SMAP2: variants seen among roughly 807,000 people sequenced by gnomAD.
SMAP2 encodes the protein small ArfGAP2.
Under a neutral mutation model 56.4 loss-of-function variants are expected in SMAP2, and 25 were observed. The ratio of observed to expected loss-of-function variants is 0.44; its 90% CI spans 0.32 to 0.62. The LOEUF is 0.62. Ranked by LOEUF, SMAP2 falls within the 20% of genes least tolerant of loss-of-function variation. The pLI is 0.04. For missense variants in SMAP2, 388 were observed against 545.6 expected (o/e 0.71, Z 2.88); for synonymous variants, 157 against 181.7 (o/e 0.86, Z 1.09).
At chr1:40,405,767 G>A (rs1644879667) in intron 1 of SMAP2, among the ~76,000 whole-genome samples, 1 of 152,096 alleles carries the variant, frequency 6.6e-6, no homozygotes, top group Non-Finnish European at 1.5e-5. Context: ...TCTTTCCTGG[G>A]TAAAAATTAT....
intron 1 of SMAP2, chr1:40,393,540 ACTT>A: frequency 1.2e-5 from 16 of 1,323,040 alleles, no homozygotes; most frequent in East Asian, 2.7e-5. Flanking sequence ...AGTTCTTCTA[ACTT>A]TTTTTTTTTT....
intron 1 of SMAP2, chr1:40,403,874 G>A (rs1182676509): frequency 6.5e-6 from 1 of 154,908 alleles, no homozygotes; most frequent in Non-Finnish European, 1.4e-5. Flanking sequence ...TGAGGCGAGA[G>A]GATTCCTTGA....
At chr1:40,379,015 T>C (rs924345161) in intron 1 of SMAP2, among the ~76,000 whole-genome samples, 3 of 151,498 alleles carry the variant, frequency 2.0e-5, no homozygotes, top group Non-Finnish European at 4.4e-5. Context: ...GTTTCGCTCT[T>C]GTTGCCCAGG....
intron 1 of SMAP2, among the ~76,000 whole-genome samples, chr1:40,392,927 G>A (rs945697941): frequency 6.6e-6 from 1 of 151,770 alleles, no homozygotes; most frequent in East Asian, 1.9e-4. Context: ...GTGAAACCCC[G>A]CTGTCTCTAC....
In SMAP2 at chr1:40,401,021, A is replaced by ATTACAGCACTCT. The variant is rs1370480859; in HGVS notation, c.104-5715_104-5714insTTACAGCACTCT. On this transcript the variant is annotated intron_variant, in intron 1 of 9. Transcript: ENST00000372718. The stretch of plus-strand genomic sequence containing the variant: ...ACACCTGTAATCCCAGCACTCTGGG[A>ATTACAGCACTCT]GGCCGAGAAGGGCGGATCACTAGGT... Among the ~76,000 whole-genome samples, 3 of 152,306 alleles carry ATTACAGCACTCT rather than the reference A, an allele frequency of 2.0e-5. No individual in the cohort carries two copies. In the East Asian group the frequency reaches 5.8e-4, roughly 29 times the overall value.
At chr1:40,364,415 C>A (rs1644471309) in intron 2 of SMAP2, among the ~76,000 whole-genome samples, 2 of 151,946 alleles carry the variant, frequency 1.3e-5, no homozygotes, top group South Asian at 4.2e-4. Flanking sequence ...ATAGCCAGAT[C>A]CTATTTCTAC....
intron 1 of SMAP2, among the ~76,000 whole-genome samples, chr1:40,351,809 A>T (rs773949870): frequency 6.6e-6 from 1 of 151,298 alleles, no homozygotes; most frequent in South Asian, 2.1e-4. Context: ...GCCTATTTTA[A>T]TTTTTTTTAA....
At chr1:40,351,492 C>T (rs994325219) in intron 1 of SMAP2, among the ~76,000 whole-genome samples, 7 of 152,040 alleles carry the variant, frequency 4.6e-5, no homozygotes, top group African/African-American at 1.7e-4. Flanking sequence ...AGAAATGATT[C>T]TTTCATTTTT....
At chr1:40,388,184 C>T (rs879358390) in intron 1 of SMAP2, among the ~76,000 whole-genome samples, 3 of 152,232 alleles carry the variant, frequency 2.0e-5, no homozygotes, top group Non-Finnish European at 4.4e-5. Flanking sequence ...CGAGACCGCC[C>T]CCTGCTCCAC....
At chr1:40,420,116 T>C (rs1296655555) in intron 9 of SMAP2, among the ~76,000 whole-genome samples, 1 of 152,240 alleles carries the variant, frequency 6.6e-6, no homozygotes, top group East Asian at 1.9e-4. Flanking sequence ...AAGTTATGCC[T>C]AGCAGTCTCA....
chr1:40,374,540 C>T lies in SMAP2; in HGVS notation c.103+317C>T, dbSNP rs1006604345. 2 of 989,606 alleles carry T rather than the reference C, an allele frequency of 2.0e-6. No homozygotes were observed. Among genetic ancestry groups the T allele is most frequent in the African/African-American group, 3.2e-5 (2 of 61,590 alleles). 61.3% of individuals were successfully genotyped at this position (989,606 alleles called of 1,614,324 possible). ...CTGGGCCGGCTGTCCAGAGAGAGCTCCCAGCATGTCACTTGCAAAGCTGGG... is the reference window on the plus strand; with the variant it reads ...CTGGGCCGGCTGTCCAGAGAGAGCTTCCAGCATGTCACTTGCAAAGCTGGG... On this transcript the variant is annotated intron_variant, in intron 1 of 9. Coordinates refer to ENST00000372718, the MANE Select transcript of SMAP2 (RefSeq NM_022733.3). This position sits in a 1 kb window ranked among gnomAD's most constrained non-coding sequence, Gnocchi z 5.9.
chr1:40,395,137 G>A (rs1475927310), intron 1 of SMAP2, among the ~76,000 whole-genome samples: 2 of 152,184 alleles, frequency 1.3e-5, no homozygotes, highest in African/African-American at 4.8e-5. Flanking sequence ...CAGTGACATA[G>A]CTTTGAATGG....
chr1:40,361,265 A>G (rs950657133), intron 1 of SMAP2, among the ~76,000 whole-genome samples: 4 of 152,152 alleles, frequency 2.6e-5, no homozygotes, highest in African/African-American at 9.7e-5. Flanking sequence ...ACTGCCTTGA[A>G]GGGAAGAACC....
At position 40,374,182 on chromosome 1, in the gene SMAP2, TGGA is replaced by T; in HGVS notation, c.69_71del (p.Glu23del). ...CAGGCTGTCCTGGCCAACCTGCTGCTGGAGGAGGATAACAAGTTTTGTGCAGAT... is the reference window on the plus strand; with the variant it reads ...CAGGCTGTCCTGGCCAACCTGCTGCTGGAGGATAACAAGTTTTGTGCAGAT... On this transcript the variant is annotated inframe_deletion, in exon 1 of 10. Transcript: ENST00000372718. This position sits in a 1 kb window ranked among gnomAD's most constrained non-coding sequence, Gnocchi z 5.9. 1.2e-6 allele frequency: 2 copies of T among 1,613,698 alleles called. No homozygotes were observed. The highest frequency in any genetic ancestry group is 2.2e-5 in the East Asian group (1 of 44,862).
intron 1 of SMAP2, among the ~76,000 whole-genome samples, chr1:40,376,867 C>A (rs556014086): frequency 6.6e-6 from 1 of 152,172 alleles, no homozygotes; most frequent in Non-Finnish European, 1.5e-5. Context: ...CATAGACTAT[C>A]GACCTATGAG....
At chr1:40,399,274 A>G (rs1557441609) in intron 1 of SMAP2, among the ~76,000 whole-genome samples, 1 of 146,426 alleles carries the variant, frequency 6.8e-6, no homozygotes, top group Non-Finnish European at 1.5e-5. Context: ...CCTCCCAAGT[A>G]GCTGGGACTA....
At chr1:40,382,405 G>A (rs914094449) in intron 1 of SMAP2, among the ~76,000 whole-genome samples, 1 of 152,098 alleles carries the variant, frequency 6.6e-6, no homozygotes, top group Non-Finnish European at 1.5e-5. Flanking sequence ...TCCTCCAAAT[G>A]GTATTTCCTG....
At chr1:40,364,373 T>A (rs1033676507) in intron 2 of SMAP2, among the ~76,000 whole-genome samples, 2 of 152,160 alleles carry the variant, frequency 1.3e-5, no homozygotes, top group African/African-American at 4.8e-5. Flanking sequence ...GAGGATTGTT[T>A]GAGGCCAGGA....
chr1:40,407,473 G>C (rs1412091636), intron 2 of SMAP2, among the ~76,000 whole-genome samples: 2 of 152,126 alleles, frequency 1.3e-5, no homozygotes, highest in Non-Finnish European at 2.9e-5. Context: ...CTGAGCAATA[G>C]AGTGAGACCC....
Sources: gnomAD v4.1 joint callset for allele counts (sites outside exome capture counted in the v4.1 genomes callset) on GRCh38, gnomAD v4.1.1 for gene constraint, Gnocchi (gnomAD v3.1) non-coding constraint, MANE v1.5 for transcripts, NCBI Gene and HGNC (gene_info 2026-07-23, HGNC 2026-07-21) for gene names.